Variants in DLG2 observed in about 807,000 individuals in gnomAD.
The protein encoded by DLG2 is disks large homolog 2.
DLG2 carries 45 observed loss-of-function variants against 132.5 expected under a neutral mutation model. That is an observed-to-expected ratio of 0.34 (90% CI 0.27 to 0.44). The LOEUF is 0.44. DLG2 is among the 20% of genes least tolerant of loss of function. The probability of loss-of-function intolerance (pLI) is 1.00; values close to 1 mark genes in which losing one functional copy is unlikely to be tolerated. For missense variants in DLG2, 1,045 were observed against 1,196.9 expected, an observed-to-expected ratio of 0.87 and a Z score of 1.87; for synonymous variants, 424 against 419.6, an observed-to-expected ratio of 1.01 and a Z score of -0.13.
At chr11:85,415,265 G>A (rs2152986588) in intron 3 of DLG2, among the ~76,000 whole-genome samples, 1 of 152,258 alleles carries the variant, frequency 6.6e-6, no homozygotes, top group Non-Finnish European at 1.5e-5. Context: ...AACATTTATG[G>A]GCATTTGGGT....
intron 3 of DLG2, among the ~76,000 whole-genome samples, chr11:85,418,116 C>T (rs983778693): frequency 1.3e-5 from 2 of 152,020 alleles, no homozygotes; most frequent in African/African-American, 4.8e-5. Flanking sequence ...TACCTGTGTC[C>T]CAGAGATTCT....
chr11:85,407,694 C>G (rs1327220277), intron 3 of DLG2, among the ~76,000 whole-genome samples: 1 of 151,722 alleles, frequency 6.6e-6, no homozygotes, highest in Non-Finnish European at 1.5e-5. Flanking sequence ...ACAGCTGAAA[C>G]TTAATCACAC....
At chr11:84,313,653 G>GAAAGAAAGAAAGAAAGAAAGAAAGA (rs2098323034) in intron 7 of DLG2, among the ~76,000 whole-genome samples, 1 of 147,148 alleles carries the variant, frequency 6.8e-6, no homozygotes, top group African/African-American at 2.6e-5. Flanking sequence ...AAGAAAGAAA[G>GAAAGAAAGAAAGAAAGAAAGAAAGA]AAAGAAAGAA....
intron 3 of DLG2, among the ~76,000 whole-genome samples, chr11:85,384,820 C>A (rs750797156): frequency 6.6e-6 from 1 of 152,174 alleles, no homozygotes; most frequent in Non-Finnish European, 1.5e-5. Context: ...GATCCACCCA[C>A]CTCGGCCTCC....
intron 6 of DLG2, among the ~76,000 whole-genome samples, chr11:84,613,479 T>C (rs1203328472): frequency 6.6e-6 from 1 of 152,056 alleles, no homozygotes; most frequent in Non-Finnish European, 1.5e-5. Flanking sequence ...TGAGATTTGG[T>C]TTCTTCAACT....
intron 10 of DLG2, among the ~76,000 whole-genome samples, chr11:84,065,793 T>G (rs1309332810): frequency 6.6e-6 from 1 of 152,166 alleles, no homozygotes; most frequent in African/African-American, 2.4e-5. Context: ...CCATTCACAA[T>G]AGCAAAGATA....
intron 3 of DLG2, among the ~76,000 whole-genome samples, chr11:85,286,814 G>C (rs568571640): frequency 6.6e-6 from 1 of 152,074 alleles, no homozygotes; most frequent in African/African-American, 2.4e-5. Flanking sequence ...GCTCCTTGGA[G>C]AAATGGTTGA....
chr11:84,959,810 A>G lies in DLG2; in HGVS notation c.357+151851T>C, dbSNP rs191629301. ...GAAAAGGTCAACCTTGTGTATATAG[A>G]AAGATATGAGTTGGATGTTCTCTTG... On this transcript the variant is annotated intron_variant, in intron 6 of 27. Transcript: ENST00000376104. Among the ~76,000 whole-genome samples, 152 of 152,304 alleles carry G rather than the reference A, an allele frequency of 1.0e-3. 1 individual carries two copies. Among genetic ancestry groups the G allele is most frequent in the Non-Finnish European group, 2.0e-3 (137 of 68,012 alleles).
chr11:85,193,550 T>A (rs992504197), intron 4 of DLG2, among the ~76,000 whole-genome samples: 1 of 152,232 alleles, frequency 6.6e-6, no homozygotes, highest in Non-Finnish European at 1.5e-5. Context: ...TTTCTCCATA[T>A]CCTAATCAAA....
At chr11:83,897,897 T>C (rs1318131906) in intron 15 of DLG2, among the ~76,000 whole-genome samples, 1 of 152,190 alleles carries the variant, frequency 6.6e-6, no homozygotes, top group Non-Finnish European at 1.5e-5. Context: ...TATTTAATCC[T>C]CCTGATGGTT....
At chr11:84,455,993 C>G (rs554547895) in intron 7 of DLG2, among the ~76,000 whole-genome samples, 2 of 151,304 alleles carry the variant, frequency 1.3e-5, no homozygotes, top group African/African-American at 4.8e-5. Flanking sequence ...TGTGTAAGAC[C>G]TAACATCCAT....
At chr11:84,862,537 A>T (rs910248051) in intron 6 of DLG2, among the ~76,000 whole-genome samples, 1 of 152,176 alleles carries the variant, frequency 6.6e-6, no homozygotes, top group Non-Finnish European at 1.5e-5. Context: ...TTATTGCAGC[A>T]CTATTCACAA....
intron 6 of DLG2, among the ~76,000 whole-genome samples, chr11:84,774,266 G>A (rs2069986613): frequency 6.6e-6 from 1 of 151,756 alleles, no homozygotes; most frequent in South Asian, 2.1e-4. Context: ...ACAAAATACT[G>A]CAAAAAAATA....
chr11:84,590,780 C>T (rs1250170766), intron 6 of DLG2, among the ~76,000 whole-genome samples: 4 of 152,060 alleles, frequency 2.6e-5, no homozygotes, highest in Non-Finnish European at 4.4e-5. Flanking sequence ...AGAAGTTCAC[C>T]TCTCATAGAG....
At chr11:84,287,721 C>T (rs1334107768) in intron 7 of DLG2, among the ~76,000 whole-genome samples, 1 of 145,150 alleles carries the variant, frequency 6.9e-6, no homozygotes, top group Non-Finnish European at 1.5e-5. Flanking sequence ...TTCTCTCCCT[C>T]CATATTTTTC....
At chr11:85,170,029 C>T (rs576145392) in intron 4 of DLG2, among the ~76,000 whole-genome samples, 40 of 152,150 alleles carry the variant, frequency 2.6e-4, no homozygotes, top group Admixed American at 4.6e-4. Context: ...CCTGGCTAAG[C>T]CTAAAAATAG....
At chr11:83,821,481 T>C (rs1722231772) in intron 17 of DLG2, among the ~76,000 whole-genome samples, 1 of 152,158 alleles carries the variant, frequency 6.6e-6, no homozygotes, top group South Asian at 2.1e-4. Context: ...ATAGTAGTTG[T>C]TTCTTTTTAT....
At chr11:83,535,272 A>T (rs1251407447) in intron 20 of DLG2, among the ~76,000 whole-genome samples, 1 of 152,210 alleles carries the variant, frequency 6.6e-6, no homozygotes, top group African/African-American at 2.4e-5. Context: ...TCATTCAATG[A>T]TGCCAAAATG....
At chr11:84,621,878 T>C (rs1046614002) in intron 6 of DLG2, among the ~76,000 whole-genome samples, 3 of 151,940 alleles carry the variant, frequency 2.0e-5, no homozygotes, top group Non-Finnish European at 2.9e-5. Flanking sequence ...AAGCTGAAAA[T>C]TGTCAGCACA....
Sources: gnomAD v4.1 joint callset for allele counts (sites outside exome capture counted in the v4.1 genomes callset) on GRCh38, gnomAD v4.1.1 for gene constraint, MANE v1.5 for transcripts, NCBI Gene and HGNC (gene_info 2026-07-23, HGNC 2026-07-21) for gene names.